GXYLT1: variants seen among roughly 807,000 people sequenced by gnomAD.
GXYLT1 encodes the protein glycosyltransferase 8 domain containing 3.
A neutral mutation model predicts 54.0 loss-of-function variants in GXYLT1; 29 were observed. The ratio of observed to expected loss-of-function variants is 0.54; its 90% CI spans 0.40 to 0.73. GXYLT1 has a LOEUF of 0.73. GXYLT1 is among the 30% of genes least tolerant of loss of function. The pLI is 0.00. For synonymous variants in GXYLT1, 176 were observed against 204.1 expected, an observed-to-expected ratio of 0.86 and a Z score of 1.17; for missense variants, 490 against 553.4, an observed-to-expected ratio of 0.89 and a Z score of 1.15.
At chr12:42,122,037 T>G (rs1327090119) in intron 2 of GXYLT1, among the ~76,000 whole-genome samples, 1 of 152,176 alleles carries the variant, frequency 6.6e-6, no homozygotes, top group African/African-American at 2.4e-5. Flanking sequence ...TTGGCCCCAA[T>G]TGAATGGCGG....
chr12:42,109,584 C>G lies in GXYLT1; in HGVS notation c.594G>C (p.Ser198=), dbSNP rs371165538. 6.4e-7 allele frequency: 1 copy of G among 1,563,286 alleles called. No individual in the cohort carries two copies. Among genetic ancestry groups the G allele is most frequent in the African/African-American group, 1.4e-5 (1 of 71,368 alleles). The change falls in exon 4 of 8, where the codon TCG becomes TCC. Residue 198 remains serine, a synonymous_variant. Transcript: ENST00000398675. ...EWKKLFKPCA[S]QRLFLPLILK... ...AACTTACCGGCAAGAACAATCTCTG[C>G]GAAGCACATGGTTTAAAGAGTTTTT... is the stretch of plus-strand genomic sequence containing the variant.
At chr12:42,129,341 A>G (rs572461121) in intron 2 of GXYLT1, among the ~76,000 whole-genome samples, 13 of 152,272 alleles carry the variant, frequency 8.5e-5, no homozygotes, top group Middle Eastern at 3.4e-3. Flanking sequence ...CCAGTATTCA[A>G]TCTCTCTACT....
At position 42,097,565 on chromosome 12, in the gene GXYLT1, A is replaced by C; in HGVS notation, c.1038T>G (p.Cys346Trp). The change falls in exon 7 of 8, where the codon TGT becomes TGG. Residue 346 changes from cysteine (C) to tryptophan (W), a missense_variant. Cys to Trp is a radical substitution (Grantham distance 215). Coordinates refer to ENST00000398675, the MANE Select transcript of GXYLT1 (RefSeq NM_173601.2). ...PCQWNYRPDH[C>W]IYGSNCQEAE... is the part of the protein sequence containing the mutation. ...CTTCTTGGCAATTGCTTCCATATAT[A>C]CAATGATCTGGTCGATAATTCCATT... 1 of 1,612,000 alleles carries C rather than the reference A, an allele frequency of 6.2e-7. No homozygotes were observed. The highest frequency in any genetic ancestry group is 8.5e-7 in the Non-Finnish European group (1 of 1,179,200).
At chr12:42,107,647 C>T (rs556422054) in intron 4 of GXYLT1, among the ~76,000 whole-genome samples, 66 of 151,910 alleles carry the variant, frequency 4.3e-4, no homozygotes, top group African/African-American at 8.2e-4. Context: ...GCCAAGACTG[C>T]GCCAGTACAC....
intron 3 of GXYLT1, 68 bp from the exon 4 acceptor site, chr12:42,109,759 A>G (rs1405684665): frequency 9.6e-7 from 1 of 1,045,160 alleles, no homozygotes; most frequent in East Asian, 2.7e-5. Context: ...ATAAAACAAC[A>G]GATTATAAAA....
At chr12:42,102,580 T>A (rs1369392136) in intron 5 of GXYLT1, among the ~76,000 whole-genome samples, 1 of 152,034 alleles carries the variant, frequency 6.6e-6, no homozygotes, top group African/African-American at 2.4e-5. Context: ...CCTCAGTAGG[T>A]GGAGCAAACA....
chr12:42,115,065 T>G (rs1388647158), intron 3 of GXYLT1, among the ~76,000 whole-genome samples: 1 of 152,228 alleles, frequency 6.6e-6, no homozygotes, highest in Non-Finnish European at 1.5e-5. Flanking sequence ...AAAAGGCTTT[T>G]GACAAAATTC....
chr12:42,111,759 G>A (rs2065457805), intron 3 of GXYLT1, among the ~76,000 whole-genome samples: 1 of 152,234 alleles, frequency 6.6e-6, no homozygotes, highest in Admixed American at 6.5e-5. Context: ...AGACTTAAAT[G>A]TCCCTCTCTG....
intron 3 of GXYLT1, among the ~76,000 whole-genome samples, chr12:42,112,192 G>GA (rs570663676): frequency 7.5e-4 from 114 of 152,124 alleles, no homozygotes; most frequent in African/African-American, 2.6e-3. Flanking sequence ...CAAAGATGGG[G>GA]AAAAAAACAG....
Position 42,142,711 on chromosome 12 carries a change from C to T in GXYLT1, c.221+1715G>A, listed in dbSNP as rs75575962. 9.4e-3 allele frequency among the ~76,000 whole-genome samples: 1,437 copies of T among 152,114 alleles called. 26 individuals are homozygous for T. Among genetic ancestry groups the T allele is most frequent in the African/African-American group, 0.033 (1,383 of 41,482 alleles). ...AAATGACGATATACAAAATAGAGTC[C>T]TGAGGTCTTAGTAATTTGCGTGATC... is the stretch of plus-strand genomic sequence containing the variant. On this transcript the variant is annotated intron_variant, in intron 1 of 7. Coordinates refer to ENST00000398675, the MANE Select transcript of GXYLT1 (RefSeq NM_173601.2).
At chr12:42,119,571 A>G (rs1266478644) in intron 2 of GXYLT1, among the ~76,000 whole-genome samples, 1 of 152,120 alleles carries the variant, frequency 6.6e-6, no homozygotes, top group Non-Finnish European at 1.5e-5. Flanking sequence ...GCTTTGAGAG[A>G]CCAAGGCAGC....
intron 3 of GXYLT1, among the ~76,000 whole-genome samples, chr12:42,118,529 G>C (rs553585877): frequency 6.6e-6 from 1 of 152,358 alleles, no homozygotes; most frequent in South Asian, 2.1e-4. Flanking sequence ...TACAAGGGCA[G>C]TGTTACAGAA....
chr12:42,103,974 C>T (rs765972870), intron 5 of GXYLT1, among the ~76,000 whole-genome samples: 12 of 152,234 alleles, frequency 7.9e-5, no homozygotes, highest in Middle Eastern at 3.4e-3. Flanking sequence ...TCTGGCCAAG[C>T]GCAGTGGCTC....
At chr12:42,122,277 GATAGTGTATTAAATTTAC>G (rs1185962061) in intron 2 of GXYLT1, among the ~76,000 whole-genome samples, 2 of 152,156 alleles carry the variant, frequency 1.3e-5, no homozygotes, top group Non-Finnish European at 2.9e-5. Context: ...AGTAATGAAT[GATAGTGTATTAAATTTAC>G]AAAGTGAACC....
At chr12:42,133,240 T>C (rs575900008) in intron 1 of GXYLT1, among the ~76,000 whole-genome samples, 2 of 152,198 alleles carry the variant, frequency 1.3e-5, no homozygotes, top group African/African-American at 4.8e-5. Flanking sequence ...ATCATTCCAT[T>C]GCACTCCAGC....
chr12:42,129,330 C>T (rs2065580935), intron 2 of GXYLT1, among the ~76,000 whole-genome samples: 2 of 152,290 alleles, frequency 1.3e-5, no homozygotes, highest in Non-Finnish European at 2.9e-5. Context: ...TCCTCCTATT[C>T]CCAGTATTCA....
At chr12:42,112,793 C>T (rs2065466988) in intron 3 of GXYLT1, among the ~76,000 whole-genome samples, 2 of 151,014 alleles carry the variant, frequency 1.3e-5, no homozygotes, top group Admixed American at 1.3e-4. Context: ...ACAGAGAACG[C>T]CACAAAGATA....
chr12:42,092,390 T>A (rs562735207), intron 7 of GXYLT1, among the ~76,000 whole-genome samples: 1 of 152,190 alleles, frequency 6.6e-6, no homozygotes, highest in South Asian at 2.1e-4. Flanking sequence ...AGCAGTGAAA[T>A]AGCTAACATG....
chr12:42,123,240 T>C (rs1794096804), intron 2 of GXYLT1, among the ~76,000 whole-genome samples: 1 of 152,176 alleles, frequency 6.6e-6, no homozygotes, highest in Admixed American at 6.5e-5. Context: ...ATATATATTC[T>C]ATAAAGTGTT....
Sources: gnomAD v4.1 joint callset for allele counts (sites outside exome capture counted in the v4.1 genomes callset) on GRCh38, gnomAD v4.1.1 for gene constraint, MANE v1.5 for transcripts, NCBI Gene and HGNC (gene_info 2026-07-23, HGNC 2026-07-21) for gene names.